The following BCAR3 variants were observed in gnomAD, a reference collection of about 807,000 sequenced individuals.
BCAR3 encodes the protein BCAR3 adaptor protein, NSP family member.
A neutral mutation model predicts 80.1 loss-of-function variants in BCAR3; 37 were observed. That is an observed-to-expected ratio of 0.46 (90% CI 0.36 to 0.61). The LOEUF is 0.61. Ranked by LOEUF, BCAR3 falls within the 20% of genes least tolerant of loss-of-function variation. The pLI is 0.00. For missense variants in BCAR3, 978 were observed against 1,068.2 expected (o/e 0.92, Z 1.18); for synonymous variants, 389 against 418.9 (o/e 0.93, Z 0.87).
At chr1:93,564,440 G>A (rs906017068) in intron 11 of BCAR3, among the ~76,000 whole-genome samples, 2 of 151,636 alleles carry the variant, frequency 1.3e-5, no homozygotes, top group African/African-American at 4.8e-5. Flanking sequence ...CACCACGCCC[G>A]GCTAATTTTG....
chr1:93,826,222 C>T (rs1307981426), intron 2 of BCAR3, among the ~76,000 whole-genome samples: 3 of 152,154 alleles, frequency 2.0e-5, no homozygotes, highest in Non-Finnish European at 2.9e-5. Flanking sequence ...TCTGATGTTC[C>T]ACACCTGCCT....
At chr1:93,785,145 T>TA (rs1028384632) in intron 2 of BCAR3, among the ~76,000 whole-genome samples, 10 of 152,202 alleles carry the variant, frequency 6.6e-5, no homozygotes, top group African/African-American at 2.4e-4. Context: ...CCTGATGGTC[T>TA]CCCCAAATGA....
At chr1:93,847,220 A>G, upstream of BCAR3, 5 of 186,994 alleles carry the variant, frequency 2.7e-5, no homozygotes, top group South Asian at 3.5e-4. Flanking sequence ...CGCCGGAGAG[A>G]CCTGGTAGGC....
rs1299013320 is a variant in BCAR3, at chr1:93,722,350, C to T, written c.-62-16208G>A. Among the ~76,000 whole-genome samples, 3 of 152,346 alleles carry T rather than the reference C, an allele frequency of 2.0e-5. No individual in the cohort carries two copies. In the East Asian group the frequency reaches 5.8e-4, roughly 29 times the overall value. ...GCAGTCAAAATAAAACTGAGATTAA[C>T]CCAGAATTCTTGGCAGTCAAACAAT... On this transcript the variant is annotated intron_variant, in intron 2 of 13. Transcript: ENST00000370244.
intron 2 of BCAR3, among the ~76,000 whole-genome samples, chr1:93,835,497 T>C (rs936204566): frequency 3.3e-5 from 5 of 152,160 alleles, no homozygotes; most frequent in African/African-American, 1.2e-4. Context: ...ACAAGGCAAA[T>C]GGTTCTTGGA....
intron 3 of BCAR3, among the ~76,000 whole-genome samples, chr1:93,700,010 A>G (rs1365913004): frequency 4.6e-5 from 7 of 151,984 alleles, no homozygotes; most frequent in Non-Finnish European, 8.8e-5. Flanking sequence ...GAGCCCAGGG[A>G]GGTGAGGGAC....
At chr1:93,630,976 G>A (rs1371183748) in intron 3 of BCAR3, among the ~76,000 whole-genome samples, 1 of 152,216 alleles carries the variant, frequency 6.6e-6, no homozygotes, top group Non-Finnish European at 1.5e-5. Flanking sequence ...TAGTTTCCAG[G>A]ACTGCCAAGA....
intron 2 of BCAR3, among the ~76,000 whole-genome samples, chr1:93,743,364 G>A (rs1378569129): frequency 2.0e-5 from 3 of 152,158 alleles, no homozygotes; most frequent in African/African-American, 4.8e-5. Context: ...AGATCTGGAG[G>A]TGACCCTTCC....
chr1:93,696,143 C>T (rs1434890167), intron 3 of BCAR3, among the ~76,000 whole-genome samples: 1 of 152,056 alleles, frequency 6.6e-6, no homozygotes, highest in Non-Finnish European at 1.5e-5. Flanking sequence ...CATGCTCAAG[C>T]AGCCTCAGCC....
chr1:93,726,694 C>T (rs1183061352), intron 2 of BCAR3, among the ~76,000 whole-genome samples: 1 of 152,030 alleles, frequency 6.6e-6, no homozygotes, highest in Non-Finnish European at 1.5e-5. Flanking sequence ...AGTCTTTTTC[C>T]TTTCTTAGAG....
intron 2 of BCAR3, among the ~76,000 whole-genome samples, chr1:93,765,291 C>G (rs1652106959): frequency 6.6e-6 from 1 of 152,138 alleles, no homozygotes; most frequent in Non-Finnish European, 1.5e-5. Context: ...CCATAGAAAC[C>G]ACACTCACCA....
intron 11 of BCAR3, among the ~76,000 whole-genome samples, chr1:93,564,185 A>T (rs181381429): frequency 1.3e-5 from 2 of 152,146 alleles, no homozygotes; most frequent in East Asian, 3.9e-4. Context: ...CTGAGTTGTA[A>T]GAGTTCTTTG....
intron 2 of BCAR3, among the ~76,000 whole-genome samples, chr1:93,800,555 G>A (rs1653441765): frequency 6.6e-6 from 1 of 150,614 alleles, no homozygotes; most frequent in Non-Finnish European, 1.5e-5. Context: ...CAGCCTGGGT[G>A]ACAGAGTGAG....
chr1:93,810,635 G>A (rs1653809384), intron 2 of BCAR3, among the ~76,000 whole-genome samples: 1 of 152,138 alleles, frequency 6.6e-6, no homozygotes, highest in African/African-American at 2.4e-5. Flanking sequence ...CAAGTTCCAG[G>A]ACCCTCTACA....
chr1:93,697,993 A>C (rs570721115), intron 3 of BCAR3, among the ~76,000 whole-genome samples: 1 of 152,260 alleles, frequency 6.6e-6, no homozygotes, highest in East Asian at 1.9e-4. Context: ...CAAAAACAAA[A>C]ACAAAAAAAC....
chr1:93,825,727 G>C (rs1482194804), intron 2 of BCAR3, among the ~76,000 whole-genome samples: 1 of 152,198 alleles, frequency 6.6e-6, no homozygotes, highest in South Asian at 2.1e-4. Flanking sequence ...GCGAGCAGAG[G>C]AGAGGGTATC....
chr1:93,668,365 TC>T (rs1378070447), intron 2 of BCAR3, among the ~76,000 whole-genome samples: 1 of 152,154 alleles, frequency 6.6e-6, no homozygotes, highest in East Asian at 1.9e-4. Flanking sequence ...TGCAGGCACT[TC>T]CCACCCTCTG....
At chr1:93,638,594 G>C (rs2101905728) in intron 3 of BCAR3, among the ~76,000 whole-genome samples, 1 of 152,228 alleles carries the variant, frequency 6.6e-6, no homozygotes, top group Admixed American at 6.5e-5. Flanking sequence ...AAAATGTTTG[G>C]TTTTATCTAG....
At chr1:93,650,130 G>A (rs1030552701) in intron 2 of BCAR3, among the ~76,000 whole-genome samples, 2 of 151,990 alleles carry the variant, frequency 1.3e-5, no homozygotes, top group African/African-American at 4.8e-5. Context: ...GCTCACACCT[G>A]GCTCAACACT....
Sources: gnomAD v4.1 joint callset for allele counts (sites outside exome capture counted in the v4.1 genomes callset) on GRCh38, gnomAD v4.1.1 for gene constraint, MANE v1.5 for transcripts, NCBI Gene and HGNC (gene_info 2026-07-23, HGNC 2026-07-21) for gene names.